Variants in PRKN observed in about 807,000 individuals in gnomAD.
PRKN encodes the protein E3 ubiquitin-protein ligase parkin.
PRKN carries 56 observed loss-of-function variants against 59.5 expected under a neutral mutation model. The observed-to-expected ratio is 0.94, with a 90% CI of 0.76 to 1.18. PRKN has a LOEUF of 1.18. PRKN is among the 50% of genes most tolerant of loss of function. The pLI is 0.00. For missense variants in PRKN, 657 were observed against 596.4 expected, an observed-to-expected ratio of 1.10 and a Z score of -1.06; for synonymous variants, 250 against 222.1, an observed-to-expected ratio of 1.13 and a Z score of -1.12.
intron 1 of PRKN, among the ~76,000 whole-genome samples, chr6:162,526,271 G>GTAA: frequency 1.4e-5 from 2 of 145,112 alleles, no homozygotes; most frequent in Admixed American, 6.9e-5. Flanking sequence ...AAGGCTAAGG[G>GTAA]AAAAAAAAAA....
chr6:161,859,397 G>A lies in PRKN; in HGVS notation c.735-73489C>T, dbSNP rs1793794729. Among the ~76,000 whole-genome samples the A allele has an allele frequency of 2.0e-5, 3 of 151,982 alleles. No homozygotes were observed. In the South Asian group the frequency reaches 6.2e-4, roughly 32 times the overall value. The stretch of plus-strand genomic sequence containing the variant: ...AGGCGGGTGGATCACAAGGTCAGGA[G>A]ATCGAGACCATCCTGGCCAACATGC... On this transcript the variant is annotated intron_variant, in intron 6 of 11. Coordinates refer to ENST00000366898, the MANE Select transcript of PRKN (RefSeq NM_004562.3).
intron 7 of PRKN, among the ~76,000 whole-genome samples, chr6:161,625,418 T>C (rs1264694195): frequency 1.8e-5 from 1 of 56,204 alleles, no homozygotes; most frequent in African/African-American, 7.0e-5. Context: ...GGTTGGGGGA[T>C]GGGGGCCTGG....
At chr6:161,846,283 C>CT (rs1279373515) in intron 6 of PRKN, among the ~76,000 whole-genome samples, 1 of 152,132 alleles carries the variant, frequency 6.6e-6, no homozygotes, top group African/African-American at 2.4e-5. Flanking sequence ...TTTATTAGAA[C>CT]TTTTCTCAAG....
chr6:162,176,927 TC>T (rs1470910545), intron 4 of PRKN, among the ~76,000 whole-genome samples: 2 of 46,130 alleles, frequency 4.3e-5, no homozygotes, highest in East Asian at 2.8e-4. Context: ...ACAATGAAAT[TC>T]CTTTTTTTTT....
At chr6:162,588,156 G>C (rs760357446) in intron 1 of PRKN, among the ~76,000 whole-genome samples, 9 of 151,672 alleles carry the variant, frequency 5.9e-5, no homozygotes, top group Non-Finnish European at 1.0e-4. Context: ...GATTATAGGT[G>C]CATGCCGCCA....
intron 2 of PRKN, among the ~76,000 whole-genome samples, chr6:162,416,093 TA>T (rs1788617708): frequency 6.6e-6 from 1 of 152,192 alleles, no homozygotes; most frequent in Non-Finnish European, 1.5e-5. Flanking sequence ...TATCATGCTT[TA>T]AAATACCGGC....
chr6:162,549,837 C>A (rs1478410982), intron 1 of PRKN, among the ~76,000 whole-genome samples: 1 of 152,078 alleles, frequency 6.6e-6, no homozygotes, highest in Non-Finnish European at 1.5e-5. Context: ...CGAGGTTTCA[C>A]CACGTTGGCC....
chr6:162,389,568 C>A (rs1787055165), intron 2 of PRKN, among the ~76,000 whole-genome samples: 1 of 152,206 alleles, frequency 6.6e-6, no homozygotes, highest in Non-Finnish European at 1.5e-5. Context: ...TCCGATGATT[C>A]ATTTTAATCA....
chr6:162,487,479 CCT>C (rs1392371696), intron 1 of PRKN, among the ~76,000 whole-genome samples: 1 of 152,156 alleles, frequency 6.6e-6, no homozygotes, highest in East Asian at 1.9e-4. Context: ...TTTTACGCTC[CCT>C]GTCATCACTT....
intron 11 of PRKN, among the ~76,000 whole-genome samples, chr6:161,351,572 G>T (rs1446687892): frequency 6.6e-6 from 1 of 151,998 alleles, no homozygotes. Context: ...TCATCCTCCC[G>T]CCTCGGCCTC....
chr6:161,394,353 T>A (rs1490711975), intron 9 of PRKN, among the ~76,000 whole-genome samples: 1 of 151,852 alleles, frequency 6.6e-6, no homozygotes, highest in African/African-American at 2.4e-5. Context: ...CTCTGTAGAG[T>A]ACCCACGTTC....
intron 2 of PRKN, among the ~76,000 whole-genome samples, chr6:162,287,335 G>C (rs758969464): frequency 6.6e-6 from 1 of 152,134 alleles, no homozygotes; most frequent in Non-Finnish European, 1.5e-5. Flanking sequence ...GGGAGTCTGA[G>C]GCAGGAGGAT....
At chr6:162,685,060 T>G (rs1211286405) in intron 1 of PRKN, among the ~76,000 whole-genome samples, 1 of 152,194 alleles carries the variant, frequency 6.6e-6, no homozygotes, top group Admixed American at 6.5e-5. Context: ...TTCCTAACCA[T>G]GTACAAACCA....
intron 2 of PRKN, among the ~76,000 whole-genome samples, chr6:162,287,606 T>C (rs991285360): frequency 6.6e-6 from 1 of 152,016 alleles, no homozygotes; most frequent in African/African-American, 2.4e-5. Flanking sequence ...ATTATGAACA[T>C]AAGAAAAGGT....
At chr6:161,512,738 G>A (rs148988586) in intron 9 of PRKN, among the ~76,000 whole-genome samples, 17 of 152,286 alleles carry the variant, frequency 1.1e-4, no homozygotes, top group East Asian at 7.7e-4. Flanking sequence ...TAGAGCAAAC[G>A]CGGAGAGGCA....
rs1583218181 is a variant in PRKN at position 161,551,241 on chromosome 6, C to G, written c.934-2238G>C. Among the ~76,000 whole-genome samples, 1 of 152,122 alleles carries G rather than the reference C, an allele frequency of 6.6e-6. No homozygotes were observed. Among genetic ancestry groups the G allele is most frequent in the Non-Finnish European group, 1.5e-5 (1 of 68,022 alleles). On this transcript the variant is annotated intron_variant, in intron 8 of 11. Coordinates refer to ENST00000366898, the MANE Select transcript of PRKN (RefSeq NM_004562.3). The surrounding 1 kb of genome is among the most constrained non-coding windows in gnomAD (Gnocchi z 5.2). Reference sequence around the variant, plus strand: ...ATTTCTTAGAGGCTTCATACATAACCCTTGCCCACAGCACAGCCCCAAATG... The same window carrying G: ...ATTTCTTAGAGGCTTCATACATAACGCTTGCCCACAGCACAGCCCCAAATG...
At position 161,396,789 on chromosome 6, in the gene PRKN, G is replaced by A. The variant is rs76158172; in HGVS notation, c.1084-9912C>T. Among the ~76,000 whole-genome samples the A allele has an allele frequency of 2.6e-5, 4 of 152,284 alleles. No homozygotes were observed. Among genetic ancestry groups the A allele is most frequent in the South Asian group, 2.1e-4 (1 of 4,828 alleles). Reference sequence around the variant, plus strand: ...TGCTCTCTAGCACAGCAGGGGAGGCGAAATGCTTTCCCTGAATACCTGGGC... The same window carrying A: ...TGCTCTCTAGCACAGCAGGGGAGGCAAAATGCTTTCCCTGAATACCTGGGC... On this transcript the variant is annotated intron_variant, in intron 9 of 11. Transcript: ENST00000366898. This position sits in a 1 kb window ranked among gnomAD's most constrained non-coding sequence, Gnocchi z 5.4.
chr6:161,615,744 C>G (rs1261423657), intron 7 of PRKN, among the ~76,000 whole-genome samples: 1 of 152,218 alleles, frequency 6.6e-6, no homozygotes, highest in Non-Finnish European at 1.5e-5. Flanking sequence ...AAGCTTTTGC[C>G]TCCCTCTCCT....
At chr6:162,587,691 A>T (rs184411714) in intron 1 of PRKN, among the ~76,000 whole-genome samples, 107 of 152,320 alleles carry the variant, frequency 7.0e-4, no homozygotes, top group African/African-American at 2.5e-3. Context: ...ATGTGATTAA[A>T]TATAAGCATA....
Sources: allele counts gnomAD v4.1 joint callset (sites outside exome capture counted in the v4.1 genomes callset), GRCh38; gene constraint gnomAD v4.1.1; non-coding constraint Gnocchi (gnomAD v3.1); transcripts MANE v1.5; gene names NCBI Gene and HGNC (gene_info 2026-07-23, HGNC 2026-07-21).